Variants in FAM135B observed in about 807,000 individuals in gnomAD.
FAM135B encodes the protein protein FAM135B.
A neutral mutation model predicts 127.7 loss-of-function variants in FAM135B; 43 were observed. The observed-to-expected ratio is 0.34, with a 90% CI of 0.26 to 0.43. The LOEUF (loss-of-function observed/expected upper bound fraction) is 0.43. Ranked by LOEUF, FAM135B falls within the 20% of genes least tolerant of loss-of-function variation. The probability of loss-of-function intolerance (pLI) is 1.00; values close to 1 mark genes in which losing one functional copy is unlikely to be tolerated. For synonymous variants in FAM135B, 670 were observed against 665.1 expected (o/e 1.01, Z -0.11); for missense variants, 1,558 against 1,725.6 (o/e 0.90, Z 1.72).
chr8:138,163,361 A>G (rs1819586581), intron 12 of FAM135B, among the ~76,000 whole-genome samples: 1 of 152,124 alleles, frequency 6.6e-6, no homozygotes, highest in African/African-American at 2.4e-5. Flanking sequence ...GCAGAGACAA[A>G]GACAGATATT....
chr8:138,244,575 C>T (rs1289099026), intron 6 of FAM135B, among the ~76,000 whole-genome samples: 1 of 152,162 alleles, frequency 6.6e-6, no homozygotes, highest in Admixed American at 6.5e-5. Context: ...CTATCTGTTG[C>T]TAATACCACA....
chr8:138,153,075 G>A lies in FAM135B; in HGVS notation c.1400C>T (p.Pro467Leu), dbSNP rs2130790535. The change falls in exon 13 of 20, where the codon CCA becomes CTA. Residue 467 changes from proline to leucine, a missense_variant. Transcript: ENST00000395297. ...REDLVLSTIK[P>L]SQMDSDEEVI... is the part of the protein sequence containing the mutation. Reference sequence around the variant, plus strand: ...TTCTTCATCAGAATCCATTTGGGATGGTTTTATGGTAGACAAGACAAGGTC... The same window carrying A: ...TTCTTCATCAGAATCCATTTGGGATAGTTTTATGGTAGACAAGACAAGGTC... The A allele has an allele frequency of 1.2e-6, 2 of 1,614,058 alleles. No individual in the cohort carries two copies. The highest frequency in any genetic ancestry group is 2.2e-5 in the East Asian group (1 of 44,876).
intron 3 of FAM135B, among the ~76,000 whole-genome samples, chr8:138,279,655 G>T (rs1036171108): frequency 1.3e-5 from 2 of 152,114 alleles, no homozygotes; most frequent in Admixed American, 1.3e-4. Context: ...GATGCCCATC[G>T]TTATTATTAA....
chr8:138,372,905 C>T (rs945204667), intron 1 of FAM135B, among the ~76,000 whole-genome samples: 1 of 54 alleles, frequency 0.019, no homozygotes. Flanking sequence ...CAATGAACTC[C>T]CCCCATCACT....
intron 1 of FAM135B, among the ~76,000 whole-genome samples, chr8:138,370,657 A>G (rs1259710552): frequency 6.6e-6 from 1 of 152,052 alleles, no homozygotes; most frequent in African/African-American, 2.4e-5. Flanking sequence ...TCACTGTGTT[A>G]GCCAGGATGG....
In FAM135B at chr8:138,256,824, T is replaced by C; in HGVS notation, c.298-65A>G. On this transcript the variant is annotated intron_variant, in intron 4 of 19. Transcript: ENST00000395297. ...ATCTTGTCCAAATGAAATACTTAGC[T>C]GGTCTACTTCCCAAAGTAGAGAAAC... 2.4e-6 allele frequency: 3 copies of C among 1,233,510 alleles called. No individual in the cohort carries two copies. The South Asian group carries it at 3.7e-5, about 15-fold the overall frequency. 76.4% of individuals were successfully genotyped at this position (1,233,510 alleles called of 1,614,324 possible). A position where few individuals can be genotyped will look rare whatever the true frequency, so the allele number is the denominator to read the frequency against.
intron 1 of FAM135B, among the ~76,000 whole-genome samples, chr8:138,442,813 T>C (rs893753035): frequency 6.6e-6 from 1 of 152,108 alleles, no homozygotes; most frequent in African/African-American, 2.4e-5. Context: ...GAAGGACTGA[T>C]GGGCTCTAGC....
At chr8:138,229,008 G>A (rs780050676) in intron 7 of FAM135B, among the ~76,000 whole-genome samples, 4 of 151,662 alleles carry the variant, frequency 2.6e-5, no homozygotes, top group East Asian at 2.0e-4. Flanking sequence ...TCCCTCCTGC[G>A]AAGCGCCCGT....
chr8:138,157,928 C>T (rs1207460457), intron 12 of FAM135B, among the ~76,000 whole-genome samples: 1 of 152,286 alleles, frequency 6.6e-6, no homozygotes, highest in East Asian at 1.9e-4. Context: ...TGACTTTCTT[C>T]ACAGAATTGG....
intron 2 of FAM135B, among the ~76,000 whole-genome samples, chr8:138,312,706 G>C (rs10875425): frequency 0.94 from 143,767 of 152,242 alleles, 68,130 homozygotes; most frequent in Non-Finnish European, 0.98. Context: ...AGTCTAGACA[G>C]CCGCCATCCC....
intron 1 of FAM135B, among the ~76,000 whole-genome samples, chr8:138,370,646 T>C (rs1011758710): frequency 2.6e-5 from 4 of 152,106 alleles, no homozygotes; most frequent in Admixed American, 1.3e-4. Context: ...GAGACGGGGC[T>C]TCACTGTGTT....
chr8:138,361,051 G>A (rs577651444), intron 2 of FAM135B, among the ~76,000 whole-genome samples: 46 of 151,862 alleles, frequency 3.0e-4, no homozygotes, highest in African/African-American at 1.0e-3. Context: ...TCAGTCTCCC[G>A]AGTAGCTGGG....
At chr8:138,292,576 T>A (rs1412906811) in intron 3 of FAM135B, among the ~76,000 whole-genome samples, 1 of 152,106 alleles carries the variant, frequency 6.6e-6, no homozygotes, top group Non-Finnish European at 1.5e-5. Flanking sequence ...TAAATGCTAT[T>A]CCTATTAAAA....
At chr8:138,305,482 A>T (rs1313794057) in intron 3 of FAM135B, among the ~76,000 whole-genome samples, 1 of 149,278 alleles carries the variant, frequency 6.7e-6, no homozygotes, top group Non-Finnish European at 1.5e-5. Flanking sequence ...TATATTTAAC[A>T]TCTGTTCACA....
chr8:138,157,382 G>C (rs1041628834), intron 12 of FAM135B, among the ~76,000 whole-genome samples: 2 of 152,158 alleles, frequency 1.3e-5, no homozygotes, highest in Non-Finnish European at 2.9e-5. Context: ...TTTGAAAACT[G>C]GCATAAGACA....
intron 1 of FAM135B, among the ~76,000 whole-genome samples, chr8:138,449,420 G>A (rs577431630): frequency 1.3e-5 from 2 of 152,164 alleles, no homozygotes; most frequent in South Asian, 2.1e-4. Flanking sequence ...GAGAGAGGAC[G>A]GAGCTCAGAG....
intron 3 of FAM135B, among the ~76,000 whole-genome samples, chr8:138,286,321 G>T (rs1023580662): frequency 6.6e-6 from 1 of 152,224 alleles, no homozygotes; most frequent in Non-Finnish European, 1.5e-5. Context: ...CCTGGGTCAG[G>T]TTAGTGGAGG....
At chr8:138,211,325 T>C (rs1269675147) in intron 7 of FAM135B, among the ~76,000 whole-genome samples, 1 of 152,196 alleles carries the variant, frequency 6.6e-6, no homozygotes, top group Non-Finnish European at 1.5e-5. Flanking sequence ...TCTATAGGGT[T>C]TGTATTACTA....
chr8:138,265,239 C>T (rs1350362490), intron 4 of FAM135B, among the ~76,000 whole-genome samples: 1 of 152,188 alleles, frequency 6.6e-6, no homozygotes, highest in Non-Finnish European at 1.5e-5. Context: ...TCATTTCTCA[C>T]ATCACCTGCC....
Sources: gnomAD v4.1 joint callset for allele counts (sites outside exome capture counted in the v4.1 genomes callset) on GRCh38, gnomAD v4.1.1 for gene constraint, MANE v1.5 for transcripts, NCBI Gene and HGNC (gene_info 2026-07-23, HGNC 2026-07-21) for gene names.